Variants in MAJIN observed in about 807,000 individuals in gnomAD.
MAJIN encodes the protein membrane anchored junction protein.
A neutral mutation model predicts 30.2 loss-of-function variants in MAJIN; 27 were observed. That is an observed-to-expected ratio of 0.89 (90% CI 0.66 to 1.23). The LOEUF is 1.23. MAJIN is among the 50% of genes most tolerant of loss of function. MAJIN has a pLI of 0.00. For synonymous variants in MAJIN, 78 were observed against 91.6 expected (o/e 0.85, Z 0.85); for missense variants, 253 against 260.3 (o/e 0.97, Z 0.19).
At chr11:64,949,607 T>A in intron 6 of MAJIN, 136 bp downstream of exon 6, 2 of 1,124,626 alleles carry the variant, frequency 1.8e-6, no homozygotes. Flanking sequence ...AACCGGTCAG[T>A]CTGGCCTGGA....
intron 3 of MAJIN, 50 bp from the exon 4 acceptor site, chr11:64,954,852 G>A: frequency 6.6e-7 from 1 of 1,525,092 alleles, no homozygotes; most frequent in Middle Eastern, 1.9e-4. Context: ...GAAAGCTCTG[G>A]AGAGAGTAGA....
At position 64,957,698 on chromosome 11, in the gene MAJIN, C is replaced by T. The variant is rs991065065; in HGVS notation, c.101+1607G>A. On this transcript the variant is annotated intron_variant, in intron 3 of 10. Coordinates refer to ENST00000301896, the MANE Select transcript of MAJIN (RefSeq NM_001037225.3). ...GTATTACAGATGTGAGCCACTGAAC[C>T]CAGCTGTTTTTATCATGAAAAGGTG... Among the ~76,000 whole-genome samples, 4 of 152,178 alleles carry T rather than the reference C, an allele frequency of 2.6e-5. No individual in the cohort carries two copies. In the South Asian group the frequency reaches 6.2e-4, roughly 24 times the overall value.
At chr11:64,952,552 C>T (rs1265544410) in intron 4 of MAJIN, among the ~76,000 whole-genome samples, 1 of 152,062 alleles carries the variant, frequency 6.6e-6, no homozygotes, top group African/African-American at 2.4e-5. Context: ...TCTGTTATTC[C>T]CATTTTACAG....
chr11:64,967,772 T>C (rs75555383), intron 1 of MAJIN, among the ~76,000 whole-genome samples: 124 of 152,302 alleles, frequency 8.1e-4, no homozygotes, highest in African/African-American at 2.9e-3. Context: ...GGCACTAATA[T>C]GGTAAGTAAC....
At chr11:64,957,189 C>T (rs1030359121) in intron 3 of MAJIN, among the ~76,000 whole-genome samples, 1 of 152,056 alleles carries the variant, frequency 6.6e-6, no homozygotes, top group African/African-American at 2.4e-5. Context: ...CCGATTCCTC[C>T]TGCCTTAGCC....
chr11:64,952,694 C>T (rs1945572419), intron 4 of MAJIN, among the ~76,000 whole-genome samples: 1 of 151,982 alleles, frequency 6.6e-6, no homozygotes, highest in South Asian at 2.1e-4. Context: ...TAGCCTGCTT[C>T]TCAGTAAATG....
chr11:64,951,365 G>GCATC (rs1296995207), intron 4 of MAJIN, among the ~76,000 whole-genome samples: 2 of 151,952 alleles, frequency 1.3e-5, no homozygotes, highest in Non-Finnish European at 2.9e-5. Context: ...AATTAATTTG[G>GCATC]CATCATAAAG....
At chr11:64,962,375 A>G (rs1945741169) in intron 1 of MAJIN, among the ~76,000 whole-genome samples, 1 of 152,218 alleles carries the variant, frequency 6.6e-6, no homozygotes, top group South Asian at 2.1e-4. Context: ...ACCACATAGG[A>G]GTAATGGTTC....
At chr11:64,949,679 T>C (rs1945518117) in intron 6 of MAJIN, 64 bp downstream of exon 6, 2 of 1,583,422 alleles carry the variant, frequency 1.3e-6, no homozygotes, top group South Asian at 1.1e-5. Context: ...CCTTTCGCGA[T>C]ACCTAGCTGG....
intron 1 of MAJIN, among the ~76,000 whole-genome samples, chr11:64,965,946 ACT>A (rs1260320469): frequency 6.9e-5 from 10 of 144,784 alleles, no homozygotes; most frequent in South Asian, 2.2e-4. Flanking sequence ...ACAGAGCGAG[ACT>A]CTGTCTCAAA....
At chr11:64,948,760 G>A (rs1405511794) in intron 6 of MAJIN, among the ~76,000 whole-genome samples, 3 of 137,968 alleles carry the variant, frequency 2.2e-5, no homozygotes, top group Non-Finnish European at 4.6e-5. Context: ...GGGTTCAAGC[G>A]ATTCTTCTGT....
chr11:64,941,470 A>G (rs1405431215), intron 8 of MAJIN, among the ~76,000 whole-genome samples: 2 of 152,104 alleles, frequency 1.3e-5, no homozygotes, highest in Non-Finnish European at 2.9e-5. Context: ...AGCCTGGCCA[A>G]CATGGTCAAA....
At chr11:64,939,815 G>C (rs749317376) in intron 9 of MAJIN, 48 bp from the exon 10 acceptor site, 1 of 1,560,186 alleles carries the variant, frequency 6.4e-7, no homozygotes, top group South Asian at 1.1e-5. Flanking sequence ...TCCATAGGCC[G>C]TTTTCATGTG....
chr11:64,949,519 C>T (rs1283268580), intron 6 of MAJIN, among the ~76,000 whole-genome samples: 1 of 152,114 alleles, frequency 6.6e-6, no homozygotes, highest in Non-Finnish European at 1.5e-5. Context: ...TATTCTTCAC[C>T]ATTTCACAAG....
chr11:64,972,050 T>G lies in MAJIN; in HGVS notation c.-238A>C, dbSNP rs1251367462. ...TTTGAGGGACTGGCTCGCCAGCTCCTAAGCAACTTCGGGGCTCGTGCCGCG... is the reference window on the plus strand; with the variant it reads ...TTTGAGGGACTGGCTCGCCAGCTCCGAAGCAACTTCGGGGCTCGTGCCGCG... On this transcript the variant is annotated 5_prime_UTR_variant, in exon 1 of 11. Coordinates refer to ENST00000301896, the MANE Select transcript of MAJIN (RefSeq NM_001037225.3). The G allele has an allele frequency of 6.6e-6, 1 of 152,250 alleles. No homozygotes were observed. Among genetic ancestry groups the G allele is most frequent in the African/African-American group, 2.4e-5 (1 of 41,468 alleles). The allele number at this position is 152,250 out of a possible 1,614,324, so 9.4% of individuals were successfully genotyped here. A position where few individuals can be genotyped will look rare whatever the true frequency, so the allele number is the denominator to read the frequency against.
At chr11:64,963,380 G>C (rs1318954839) in intron 1 of MAJIN, among the ~76,000 whole-genome samples, 1 of 152,194 alleles carries the variant, frequency 6.6e-6, no homozygotes, top group African/African-American at 2.4e-5. Flanking sequence ...TCAGTGCATA[G>C]AACCTGAAGC....
intron 1 of MAJIN, among the ~76,000 whole-genome samples, chr11:64,969,560 A>G (rs1438587079): frequency 6.6e-6 from 1 of 152,058 alleles, no homozygotes; most frequent in African/African-American, 2.4e-5. Context: ...AGATGAAAGG[A>G]GACCAGCTAG....
chr11:64,967,654 A>G (rs887191888), intron 1 of MAJIN, among the ~76,000 whole-genome samples: 2 of 152,108 alleles, frequency 1.3e-5, no homozygotes, highest in Non-Finnish European at 2.9e-5. Flanking sequence ...AAGTACAGTA[A>G]CCCGAACACA....
chr11:64,968,907 G>A (rs1428317803), intron 1 of MAJIN, among the ~76,000 whole-genome samples: 3 of 152,080 alleles, frequency 2.0e-5, no homozygotes, highest in Admixed American at 6.6e-5. Context: ...AAAGGAAGAT[G>A]AACTGTAAGG....
Sources: allele counts gnomAD v4.1 joint callset (sites outside exome capture counted in the v4.1 genomes callset), GRCh38; gene constraint gnomAD v4.1.1; transcripts MANE v1.5; gene names NCBI Gene and HGNC (gene_info 2026-07-23, HGNC 2026-07-21).